GATAD1: variants seen among roughly 807,000 people sequenced by gnomAD.
GATAD1 encodes GATA zinc finger domain-containing protein 1.
GATAD1 carries 12 observed loss-of-function variants against 26.5 expected under a neutral mutation model. The observed-to-expected ratio is 0.45, with a 90% CI of 0.29 to 0.73. GATAD1 has a LOEUF of 0.73. GATAD1 is among the 30% of genes least tolerant of loss of function. The pLI is 0.10. For synonymous variants in GATAD1, 129 were observed against 133.1 expected, an observed-to-expected ratio of 0.97 and a Z score of 0.21; for missense variants, 266 against 342.1, an observed-to-expected ratio of 0.78 and a Z score of 1.75.
At chr7:92,451,892 T>C (rs1428090825) in intron 3 of GATAD1, among the ~76,000 whole-genome samples, 1 of 152,192 alleles carries the variant, frequency 6.6e-6, no homozygotes, top group Non-Finnish European at 1.5e-5. Context: ...CAACAAGTCA[T>C]GGAGTGAGGC....
chr7:92,492,332 C>G, the GATAD1 span, among the ~76,000 whole-genome samples: 2 of 152,132 alleles, frequency 1.3e-5, no homozygotes, highest in South Asian at 2.1e-4. Context: ...TTCACAGAGA[C>G]AAGATCCCAC....
downstream of GATAD1, among the ~76,000 whole-genome samples, chr7:92,461,780 G>T (rs1789930119): frequency 6.6e-6 from 1 of 152,118 alleles, no homozygotes; most frequent in African/African-American, 2.4e-5. Flanking sequence ...CACAGCAAAT[G>T]GTCCGTGACA....
chr7:92,490,816 A>C, the GATAD1 span, among the ~76,000 whole-genome samples: 1 of 152,188 alleles, frequency 6.6e-6, no homozygotes, highest in East Asian at 1.9e-4. Context: ...CATTTAATCA[A>C]AACACTTTCC....
In GATAD1 at chr7:92,458,890, C is replaced by CA. The variant is rs1245889963; in HGVS notation, c.*2333dup. 3 of 152,022 alleles carry CA rather than the reference C, an allele frequency of 2.0e-5. No individual in the cohort carries two copies. The highest frequency in any genetic ancestry group is 6.5e-5 in the Admixed American group (1 of 15,270). The allele number at this position is 152,022 out of a possible 1,614,324, so 9.4% of individuals were successfully genotyped here. A position where few individuals can be genotyped will look rare whatever the true frequency, so the allele number is the denominator to read the frequency against. On this transcript the variant is annotated 3_prime_UTR_variant, in exon 5 of 5. Transcript: ENST00000287957. ...AACAATTTAAATGGGGCTCTTTAAC[C>CA]AAAAATGGTATTTAAAACCAAAACA...
chr7:92,455,532 C>T (rs1028593985), intron 4 of GATAD1, among the ~76,000 whole-genome samples: 2 of 152,016 alleles, frequency 1.3e-5, no homozygotes, highest in African/African-American at 4.8e-5. Context: ...TTCAAAGCTG[C>T]CAAAACAGTT....
At chr7:92,468,979 A>T in the GATAD1 span, 3 of 762,504 alleles carry the variant, frequency 3.9e-6, no homozygotes, top group Non-Finnish European at 7.2e-6. Flanking sequence ...GAGGTTAAAG[A>T]TACAGGGTCC....
At chr7:92,491,623 G>T in the GATAD1 span, 2 of 673,884 alleles carry the variant, frequency 3.0e-6, no homozygotes, top group Non-Finnish European at 5.2e-6. Context: ...ATTTTTCAAA[G>T]AGCTCATTAA....
chr7:92,476,670 CTCTT>C, the GATAD1 span, among the ~76,000 whole-genome samples: 9 of 152,004 alleles, frequency 5.9e-5, no homozygotes, highest in Non-Finnish European at 1.0e-4. Flanking sequence ...CTGTCTCTCT[CTCTT>C]TCTCCTCCAT....
chr7:92,458,203 T>C lies in GATAD1; in HGVS notation c.*1641T>C, dbSNP rs1789768575. 6.6e-6 allele frequency: 1 copy of C among 152,210 alleles called. No individual in the cohort carries two copies. The highest frequency in any genetic ancestry group is 6.5e-5 in the Admixed American group (1 of 15,284). The allele number at this position is 152,210 out of a possible 1,614,324, so 9.4% of individuals were successfully genotyped here. ...GAAACAGGCATTCAGAACCATTCCA[T>C]TGATCTTAATAAAGCTGCTCTTTAC... On this transcript the variant is annotated 3_prime_UTR_variant, in exon 5 of 5. Coordinates refer to ENST00000287957, the MANE Select transcript of GATAD1 (RefSeq NM_021167.5).
the GATAD1 span, among the ~76,000 whole-genome samples, chr7:92,484,945 T>C: frequency 6.7e-6 from 1 of 150,246 alleles, no homozygotes; most frequent in South Asian, 2.1e-4. Context: ...GAAAAAGGAG[T>C]CAGCGAAGGG....
At chr7:92,474,871 C>G in the GATAD1 span, 1 of 152,122 alleles carries the variant, frequency 6.6e-6, no homozygotes, top group South Asian at 2.1e-4. Context: ...TTCTCTTCCT[C>G]CCACTGCTTG....
chr7:92,487,393 C>T, the GATAD1 span: 4 of 832,524 alleles, frequency 4.8e-6, no homozygotes, highest in Admixed American at 2.3e-5. Context: ...CATTTTTTTC[C>T]TGTTACAACA....
At chr7:92,481,889 G>T in the GATAD1 span, among the ~76,000 whole-genome samples, 26 of 152,316 alleles carry the variant, frequency 1.7e-4, no homozygotes, top group African/African-American at 6.3e-4. Context: ...CAATTGGCAG[G>T]GAGAGCACAT....
chr7:92,455,539 A>T (rs552300790), intron 4 of GATAD1, among the ~76,000 whole-genome samples: 1 of 152,308 alleles, frequency 6.6e-6, no homozygotes, highest in African/African-American at 2.4e-5. Flanking sequence ...CTGCCAAAAC[A>T]GTTGTGAGAT....
At chr7:92,487,446 A>C in the GATAD1 span, 1 of 1,456,876 alleles carries the variant, frequency 6.9e-7, no homozygotes, top group Non-Finnish European at 9.6e-7. Context: ...CAAATCAAAA[A>C]GAAGTATATT....
the GATAD1 span, chr7:92,489,933 T>C: frequency 6.3e-7 from 1 of 1,592,784 alleles, no homozygotes; most frequent in South Asian, 1.1e-5. Flanking sequence ...ATTGTAGTAA[T>C]GAAAGATGGA....
chr7:92,485,409 C>G, the GATAD1 span, among the ~76,000 whole-genome samples: 1 of 152,298 alleles, frequency 6.6e-6, no homozygotes, highest in South Asian at 2.1e-4. Context: ...AAAAATCTCC[C>G]AGTTAGTAAA....
At chr7:92,448,214 A>G (rs757433489) in intron 1 of GATAD1, among the ~76,000 whole-genome samples, 12 of 152,380 alleles carry the variant, frequency 7.9e-5, no homozygotes, top group Non-Finnish European at 1.2e-4. Context: ...GAAAATCTCA[A>G]TATACACATG....
At chr7:92,488,021 T>G in the GATAD1 span, among the ~76,000 whole-genome samples, 1 of 152,226 alleles carries the variant, frequency 6.6e-6, no homozygotes, top group Admixed American at 6.5e-5. Flanking sequence ...GTGCATATAT[T>G]CAGCTGCAAG....
Sources: allele counts gnomAD v4.1 joint callset (sites outside exome capture counted in the v4.1 genomes callset), GRCh38; gene constraint gnomAD v4.1.1; transcripts MANE v1.5; gene names NCBI Gene and HGNC (gene_info 2026-07-23, HGNC 2026-07-21).